The following COL19A1 variants were observed in gnomAD, a reference collection of about 807,000 sequenced individuals.
COL19A1 encodes the protein collagen type XIX alpha 1 chain, also known as collagen alpha-1(XIX) chain.
A neutral mutation model predicts 190.2 loss-of-function variants in COL19A1; 159 were observed. The ratio of observed to expected loss-of-function variants is 0.84; its 90% CI spans 0.73 to 0.95. The LOEUF is 0.95. COL19A1 is among the 40% of genes least tolerant of loss of function. The pLI, the probability that COL19A1 is intolerant of heterozygous loss-of-function variation, is 0.00. For missense variants in COL19A1, 1,418 were observed against 1,431.9 expected (o/e 0.99, Z 0.16); for synonymous variants, 509 against 458.9 (o/e 1.11, Z -1.39).
At chr6:69,936,651 T>C in intron 7 of COL19A1, 134 bp from the exon 8 acceptor site, 1 of 1,064,874 alleles carries the variant, frequency 9.4e-7, no homozygotes, top group Admixed American at 2.3e-5. Flanking sequence ...CTCACACTGG[T>C]GTTAACTTTT....
chr6:70,108,781 T>A (rs1784115944), intron 16 of COL19A1, among the ~76,000 whole-genome samples: 1 of 152,138 alleles, frequency 6.6e-6, no homozygotes, highest in African/African-American at 2.4e-5. Context: ...ATGCTTCTTT[T>A]CTAAAACAAG....
intron 33 of COL19A1, 46 bp from the exon 34 acceptor site, chr6:70,156,624 T>C: frequency 6.3e-7 from 1 of 1,595,074 alleles, no homozygotes; most frequent in Non-Finnish European, 8.6e-7. Flanking sequence ...TTCCAAAAGA[T>C]AAGAAAAATG....
At chr6:70,203,397 C>T (rs1767667458) in intron 49 of COL19A1, among the ~76,000 whole-genome samples, 1 of 152,136 alleles carries the variant, frequency 6.6e-6, no homozygotes, top group South Asian at 2.1e-4. Flanking sequence ...GTAGGAAGCA[C>T]TTGTGATGTA....
intron 4 of COL19A1, among the ~76,000 whole-genome samples, chr6:69,925,837 T>G (rs1441532287): frequency 6.6e-6 from 1 of 152,218 alleles, no homozygotes; most frequent in Non-Finnish European, 1.5e-5. Context: ...TATTTTATTC[T>G]CTTTGAAGTA....
intron 15 of COL19A1, among the ~76,000 whole-genome samples, chr6:70,085,711 T>A (rs1009157441): frequency 4.0e-5 from 6 of 151,378 alleles, no homozygotes; most frequent in African/African-American, 1.5e-4. Context: ...AAGGCTTTTT[T>A]AAGGTCACCA....
chr6:70,125,077 C>T (rs1200101096), intron 17 of COL19A1, among the ~76,000 whole-genome samples: 1 of 147,266 alleles, frequency 6.8e-6, no homozygotes, highest in Admixed American at 6.9e-5. Flanking sequence ...CACCACCTAC[C>T]CCTGTCTGTT....
At chr6:70,109,477 G>C (rs746176430) in intron 16 of COL19A1, among the ~76,000 whole-genome samples, 21 of 151,772 alleles carry the variant, frequency 1.4e-4, no homozygotes, top group Non-Finnish European at 2.9e-4. Context: ...GGAAAAGAAG[G>C]GTTGGGGGGC....
chr6:70,113,262 A>C (rs1452023260), intron 16 of COL19A1, among the ~76,000 whole-genome samples: 1 of 152,206 alleles, frequency 6.6e-6, no homozygotes, highest in African/African-American at 2.4e-5. Flanking sequence ...TATCTTTTGT[A>C]GGGGAAATTC....
At chr6:70,113,218 G>A (rs562415553) in intron 16 of COL19A1, among the ~76,000 whole-genome samples, 24 of 152,292 alleles carry the variant, frequency 1.6e-4, no homozygotes, top group African/African-American at 5.1e-4. Context: ...CCAAGAATAA[G>A]CATGTCGCTG....
chr6:70,084,689 A>T (rs1416714856), intron 15 of COL19A1, among the ~76,000 whole-genome samples: 1 of 152,132 alleles, frequency 6.6e-6, no homozygotes, highest in African/African-American at 2.4e-5. Flanking sequence ...GATGAATATT[A>T]GGTGGTGGGT....
intron 11 of COL19A1, among the ~76,000 whole-genome samples, chr6:69,985,256 T>C (rs1029018476): frequency 6.6e-6 from 1 of 152,192 alleles, no homozygotes; most frequent in African/African-American, 2.4e-5. Flanking sequence ...GTTTAAGTAG[T>C]GAGGTACTAA....
intron 10 of COL19A1, among the ~76,000 whole-genome samples, chr6:69,961,918 G>A (rs934004385): frequency 6.6e-6 from 1 of 152,032 alleles, no homozygotes; most frequent in Non-Finnish European, 1.5e-5. Context: ...TAAATTTTAT[G>A]TACCAAGGGT....
At position 70,003,070 on chromosome 6, in the gene COL19A1, T is replaced by A. The variant is rs180752242; in HGVS notation, c.1027-20557T>A. On this transcript the variant is annotated intron_variant, in intron 11 of 50. Coordinates refer to ENST00000620364, the MANE Select transcript of COL19A1 (RefSeq NM_001858.6). ...CACTATTTTAGCCGTGTCCCATAGA[T>A]TCTGGTAAGTTTTCTCTTTGTTTTT... Among the ~76,000 whole-genome samples the A allele has an allele frequency of 1.9e-3, 296 of 152,298 alleles. 5 individuals are homozygous for A. The highest frequency in any genetic ancestry group is 9.7e-4 in the East Asian group (5 of 5,172).
At chr6:70,065,986 T>G (rs1781167830) in intron 14 of COL19A1, among the ~76,000 whole-genome samples, 1 of 152,142 alleles carries the variant, frequency 6.6e-6, no homozygotes, top group Non-Finnish European at 1.5e-5. Context: ...TAGGAACACT[T>G]TTACACTGTT....
chr6:70,145,067 G>C, intron 25 of COL19A1, 60 bp downstream of exon 25: 1 of 1,228,448 alleles, frequency 8.1e-7, no homozygotes, highest in African/African-American at 1.5e-5. Context: ...CTACTTGTGG[G>C]TTCCTAGTTT....
intron 4 of COL19A1, among the ~76,000 whole-genome samples, chr6:69,921,342 AT>A (rs1771786202): frequency 7.6e-6 from 1 of 131,006 alleles, no homozygotes; most frequent in African/African-American, 2.8e-5. Flanking sequence ...ATATCTATAT[AT>A]ATCATATATC....
chr6:69,921,377 C>G (rs1053314272), intron 4 of COL19A1, among the ~76,000 whole-genome samples: 4 of 94,554 alleles, frequency 4.2e-5, no homozygotes, highest in South Asian at 6.6e-4. Flanking sequence ...TCATATATAT[C>G]ATATATATCA....
At chr6:69,882,606 T>TA (rs1350781194) in intron 2 of COL19A1, among the ~76,000 whole-genome samples, 4 of 152,244 alleles carry the variant, frequency 2.6e-5, no homozygotes, top group East Asian at 3.9e-4. Flanking sequence ...AACCAGAGTT[T>TA]AAAAAAACAG....
intron 10 of COL19A1, among the ~76,000 whole-genome samples, chr6:69,960,935 C>A (rs1466855090): frequency 6.6e-6 from 1 of 152,120 alleles, no homozygotes. Flanking sequence ...CCGGCCAGGG[C>A]TGCTTTCTTC....
Sources: gnomAD v4.1 joint callset for allele counts (sites outside exome capture counted in the v4.1 genomes callset) on GRCh38, gnomAD v4.1.1 for gene constraint, MANE v1.5 for transcripts, NCBI Gene and HGNC (gene_info 2026-07-23, HGNC 2026-07-21) for gene names.